GALNTL6: variants seen among roughly 807,000 people sequenced by gnomAD.
The protein encoded by GALNTL6 is polypeptide N-acetylgalactosaminyltransferase-like 6.
In GALNTL6, 46 loss-of-function variants were observed where a neutral mutation model predicts 73.7. The ratio of observed to expected loss-of-function variants is 0.62; its 90% CI spans 0.49 to 0.80. The LOEUF (loss-of-function observed/expected upper bound fraction) is 0.80. Ranked by LOEUF, GALNTL6 falls within the 30% of genes least tolerant of loss-of-function variation. The pLI, the probability that GALNTL6 is intolerant of heterozygous loss-of-function variation, is 0.00. For synonymous variants in GALNTL6, 259 were observed against 263.7 expected, an observed-to-expected ratio of 0.98 and a Z score of 0.17; for missense variants, 604 against 755.0, an observed-to-expected ratio of 0.80 and a Z score of 2.34.
intron 2 of GALNTL6, among the ~76,000 whole-genome samples, chr4:171,842,061 T>G (rs1735251768): frequency 6.6e-6 from 1 of 152,134 alleles, no homozygotes; most frequent in Admixed American, 6.6e-5. Flanking sequence ...CAATAGTAAT[T>G]GAATTTTGTC....
rs190011859 is a variant in GALNTL6 at position 171,911,957 on chromosome 4, T to C, written c.138+97239T>C. Among the ~76,000 whole-genome samples, 15 of 152,272 alleles carry C rather than the reference T, an allele frequency of 9.9e-5. No homozygotes were observed. In the East Asian group the frequency reaches 2.7e-3, roughly 27 times the overall value. On this transcript the variant is annotated intron_variant, in intron 2 of 12. Coordinates refer to ENST00000506823, the MANE Select transcript of GALNTL6 (RefSeq NM_001034845.3). ...AAATGAATGTCTCCTTTAAATTTAATCAATGTTTTTTAATCATCTAATAAT... is the reference window on the plus strand; with the variant it reads ...AAATGAATGTCTCCTTTAAATTTAACCAATGTTTTTTAATCATCTAATAAT...
intron 2 of GALNTL6, among the ~76,000 whole-genome samples, chr4:171,915,403 C>A (rs1737589488): frequency 1.3e-5 from 2 of 152,148 alleles, no homozygotes; most frequent in Non-Finnish European, 2.9e-5. Context: ...GGGCTGAATG[C>A]AACCTCAGAA....
intron 5 of GALNTL6, among the ~76,000 whole-genome samples, chr4:172,450,736 C>T (rs1353111126): frequency 1.3e-5 from 2 of 152,206 alleles, no homozygotes; most frequent in Non-Finnish European, 1.5e-5. Flanking sequence ...AGAGCTAATA[C>T]GTGCATCAGA....
intron 2 of GALNTL6, among the ~76,000 whole-genome samples, chr4:172,002,582 T>C (rs1448310872): frequency 4.6e-5 from 7 of 152,168 alleles, no homozygotes; most frequent in Admixed American, 3.3e-4. Context: ...TTCTACTAAG[T>C]ATTAACATTT....
chr4:172,931,764 C>T (rs1748352546), intron 9 of GALNTL6, among the ~76,000 whole-genome samples: 1 of 152,172 alleles, frequency 6.6e-6, no homozygotes, highest in African/African-American at 2.4e-5. Context: ...TCAAATTTTG[C>T]CCCATCCTCA....
intron 5 of GALNTL6, among the ~76,000 whole-genome samples, chr4:172,624,253 T>C (rs760421342): frequency 6.6e-6 from 1 of 152,088 alleles, no homozygotes; most frequent in Non-Finnish European, 1.5e-5. Context: ...AGTGCTTTTT[T>C]GTTGTTGTTT....
chr4:172,241,976 A>G (rs1315766784), intron 3 of GALNTL6, among the ~76,000 whole-genome samples: 1 of 152,216 alleles, frequency 6.6e-6, no homozygotes, highest in Non-Finnish European at 1.5e-5. Context: ...AAGAATTTCA[A>G]TACAAATTCC....
intron 5 of GALNTL6, among the ~76,000 whole-genome samples, chr4:172,792,671 C>CT (rs71594009): frequency 0.68 from 92,649 of 135,608 alleles, 34,109 homozygotes; most frequent in East Asian, 0.81. Flanking sequence ...CATAGTTTAG[C>CT]TTTTTTTTTT....
chr4:172,332,704 T>G (rs1741175234), intron 4 of GALNTL6, among the ~76,000 whole-genome samples: 1 of 152,186 alleles, frequency 6.6e-6, no homozygotes, highest in Admixed American at 6.5e-5. Flanking sequence ...AGTCATCTGT[T>G]CATGAACACT....
At chr4:172,298,311 C>T (rs992377512) in intron 3 of GALNTL6, among the ~76,000 whole-genome samples, 15 of 152,190 alleles carry the variant, frequency 9.9e-5, no homozygotes, top group Middle Eastern at 3.4e-3. Flanking sequence ...AGGGACAATT[C>T]GACTTCCTCT....
chr4:172,411,988 CAAG>C (rs1231723623), intron 5 of GALNTL6, among the ~76,000 whole-genome samples: 1 of 151,698 alleles, frequency 6.6e-6, no homozygotes, highest in African/African-American at 2.4e-5. Context: ...AAAAATAAAA[CAAG>C]GAGTGGAGCA....
intron 2 of GALNTL6, among the ~76,000 whole-genome samples, chr4:172,130,865 A>T (rs60679939): frequency 2.2e-3 from 339 of 152,214 alleles, no homozygotes; most frequent in African/African-American, 7.7e-3. Flanking sequence ...CCATAAAGAG[A>T]TATTTCATTA....
chr4:171,887,054 A>G (rs1349626105), intron 2 of GALNTL6, among the ~76,000 whole-genome samples: 2 of 152,212 alleles, frequency 1.3e-5, no homozygotes, highest in African/African-American at 2.4e-5. Flanking sequence ...TTTTTTCACA[A>G]TTTTGTAGAC....
chr4:172,322,061 G>A (rs756624415), intron 4 of GALNTL6, among the ~76,000 whole-genome samples: 7 of 152,090 alleles, frequency 4.6e-5, no homozygotes, highest in Non-Finnish European at 1.0e-4. Flanking sequence ...CCTCAAGTGA[G>A]CATTCATACA....
At chr4:172,361,104 C>T (rs1742352119) in intron 5 of GALNTL6, among the ~76,000 whole-genome samples, 3 of 152,094 alleles carry the variant, frequency 2.0e-5, no homozygotes, top group Admixed American at 1.3e-4. Context: ...TGATGATAAA[C>T]GTTTCAACTT....
At chr4:172,518,147 TAC>T (rs1734667846) in intron 5 of GALNTL6, among the ~76,000 whole-genome samples, 1 of 151,976 alleles carries the variant, frequency 6.6e-6, no homozygotes, top group Non-Finnish European at 1.5e-5. Context: ...CTATTTATTA[TAC>T]AGTTTCTGGA....
chr4:171,866,557 T>C (rs780922093), intron 2 of GALNTL6, among the ~76,000 whole-genome samples: 4 of 152,198 alleles, frequency 2.6e-5, no homozygotes, highest in Non-Finnish European at 5.9e-5. Flanking sequence ...GAAAATGATT[T>C]GAAATTATGA....
intron 3 of GALNTL6, among the ~76,000 whole-genome samples, chr4:172,244,567 C>G (rs1737557795): frequency 6.6e-6 from 1 of 152,188 alleles, no homozygotes; most frequent in Admixed American, 6.6e-5. Flanking sequence ...TAGCAACTAT[C>G]ACAGATTTAT....
At chr4:172,376,301 A>G (rs1743026210) in intron 5 of GALNTL6, among the ~76,000 whole-genome samples, 1 of 152,190 alleles carries the variant, frequency 6.6e-6, no homozygotes, top group African/African-American at 2.4e-5. Context: ...ATTAGGACCC[A>G]GGAGTCAAGG....
Sources: gnomAD v4.1 joint callset for allele counts (sites outside exome capture counted in the v4.1 genomes callset) on GRCh38, gnomAD v4.1.1 for gene constraint, MANE v1.5 for transcripts, NCBI Gene and HGNC (gene_info 2026-07-23, HGNC 2026-07-21) for gene names.